Variants in PCDH10 observed in about 807,000 individuals in gnomAD.
The protein encoded by PCDH10 is protocadherin 10, also known as protocadherin-10.
A neutral mutation model predicts 74.4 loss-of-function variants in PCDH10; 15 were observed. The observed-to-expected ratio is 0.20, with a 90% CI of 0.13 to 0.31. PCDH10 has a LOEUF of 0.31. Ranked by LOEUF, PCDH10 falls within the 10% of genes least tolerant of loss-of-function variation. PCDH10 has a pLI of 1.00. For missense variants in PCDH10, 1,260 were observed against 1,390.2 expected, an observed-to-expected ratio of 0.91 and a Z score of 1.49; for synonymous variants, 619 against 589.8, an observed-to-expected ratio of 1.05 and a Z score of -0.72.
intron 4 of PCDH10, among the ~76,000 whole-genome samples, chr4:133,182,011 T>C (rs1041036124): frequency 6.6e-6 from 1 of 152,158 alleles, no homozygotes; most frequent in Non-Finnish European, 1.5e-5. Flanking sequence ...GCTACGTGGC[T>C]ATATGTTTTT....
In PCDH10 at chr4:133,150,392, C is replaced by T; in HGVS notation, c.252C>T (p.Ile84=). The part of the protein sequence containing the change: ...YVNEKIDREQ[I]CKQSPSCVLH... ...ACGAGAAAATAGACCGCGAACAAAT[C>T]TGCAAACAGAGCCCCTCCTGTGTCC... Residue 84 remains isoleucine, a synonymous_variant, in exon 1 of 5, where the codon ATC becomes ATT. Transcript: ENST00000264360. 1 of 1,614,064 alleles carries T rather than the reference C, an allele frequency of 6.2e-7. No individual in the cohort carries two copies. Among genetic ancestry groups the T allele is most frequent in the Non-Finnish European group, 8.5e-7 (1 of 1,180,008 alleles).
At chr4:133,205,190 C>A (rs921226812) in intron 2 of PCDH10, among the ~76,000 whole-genome samples, 3 of 152,008 alleles carry the variant, frequency 2.0e-5, no homozygotes, top group African/African-American at 7.2e-5. Flanking sequence ...CTAGTGACGC[C>A]AACACATAAC....
intron 2 of PCDH10, among the ~76,000 whole-genome samples, chr4:133,200,153 C>T (rs1379359686): frequency 6.6e-6 from 1 of 151,856 alleles, no homozygotes; most frequent in African/African-American, 2.4e-5. Flanking sequence ...CTGCTTTATT[C>T]TCTACTAATG....
At chr4:133,156,435 G>A (rs1162567250) in intron 3 of PCDH10, among the ~76,000 whole-genome samples, 2 of 152,270 alleles carry the variant, frequency 1.3e-5, no homozygotes, top group Non-Finnish European at 2.9e-5. Flanking sequence ...AGTGAACAGA[G>A]CATCTATTTA....
intron 4 of PCDH10, among the ~76,000 whole-genome samples, chr4:133,188,535 AT>A (rs377634854): frequency 1.4e-4 from 21 of 151,964 alleles, no homozygotes; most frequent in African/African-American, 4.3e-4. Context: ...AATTCATTTT[AT>A]TCTTCTGGAT....
chr4:133,167,227 A>G (rs905654134), intron 4 of PCDH10, among the ~76,000 whole-genome samples: 1 of 151,582 alleles, frequency 6.6e-6, no homozygotes, highest in African/African-American at 2.4e-5. Context: ...GGAAATTTTT[A>G]GACATCTATA....
chr4:133,162,877 C>T (rs1726997898), intron 3 of PCDH10, 100 bp from the exon 4 acceptor site: 1 of 988,336 alleles, frequency 1.0e-6, no homozygotes, highest in Non-Finnish European at 1.5e-6. Context: ...GTTAAGACAA[C>T]TTCACTTGTC....
Position 133,177,754 on chromosome 4 carries a change from C to T in PCDH10, c.3104-12387C>T, listed in dbSNP as rs76294758. 9.0e-3 allele frequency among the ~76,000 whole-genome samples: 1,365 copies of T among 152,098 alleles called. 8 individuals carry two copies. The highest frequency in any genetic ancestry group is 0.014 in the Non-Finnish European group (943 of 68,008). ...CTTGTGAATGCAATTGCCATAGTCA[C>T]CTGCAATTAAGCATTTTCCTCTTAT... On this transcript the variant is annotated intron_variant, in intron 4 of 4. Coordinates refer to ENST00000264360, the MANE Select transcript of PCDH10 (RefSeq NM_032961.3).
intron 3 of PCDH10, among the ~76,000 whole-genome samples, chr4:133,162,731 A>G (rs1288364258): frequency 2.6e-5 from 4 of 152,190 alleles, no homozygotes; most frequent in African/African-American, 7.2e-5. Context: ...TAGTTTAGAA[A>G]CATTTATCTC....
chr4:133,199,832 A>G (rs1163293720), intron 2 of PCDH10, among the ~76,000 whole-genome samples: 1 of 149,316 alleles, frequency 6.7e-6, no homozygotes, highest in Admixed American at 6.7e-5. Flanking sequence ...GAGTCTTGCT[A>G]TGTCACCCAG....
At chr4:133,184,803 T>TAAA (rs1727509110) in intron 4 of PCDH10, among the ~76,000 whole-genome samples, 1 of 141,630 alleles carries the variant, frequency 7.1e-6, no homozygotes, top group African/African-American at 2.6e-5. Flanking sequence ...TATTTATATA[T>TAAA]ATATATTTAT....
At chr4:133,199,299 A>AAT (rs1727855857), downstream of PCDH10, among the ~76,000 whole-genome samples, 3 of 144,130 alleles carry the variant, frequency 2.1e-5, no homozygotes, top group Non-Finnish European at 4.5e-5. Context: ...AAATAATAAT[A>AAT]ATAATAATAA....
downstream of PCDH10, among the ~76,000 whole-genome samples, chr4:133,199,367 G>A (rs143061835): frequency 8.1e-3 from 1,223 of 150,322 alleles, 15 homozygotes; most frequent in Admixed American, 0.012. Flanking sequence ...ATGGAAAAGA[G>A]AAAAAGAGAC....
chr4:133,151,458 G>T lies in PCDH10; in HGVS notation c.1318G>T (p.Glu440Ter). ...GACTGTAGTGGCTCGGGACCGGGGCGAGCCTGCGCTCTCCACCAGTAAGTC... is the reference window on the plus strand; with the variant it reads ...GACTGTAGTGGCTCGGGACCGGGGCTAGCCTGCGCTCTCCACCAGTAAGTC... ...TLTVVARDRG[E>*]PALSTSKSIQ... is the part of the protein sequence containing the mutation. The change falls in exon 1 of 5, where the codon GAG becomes TAG. Residue 440 changes from glutamate (E) to a stop codon, truncating the protein, a stop_gained. Transcript: ENST00000264360. LOFTEE classifies it high-confidence loss of function. 1 of 1,613,692 alleles carries T rather than the reference G, an allele frequency of 6.2e-7. No individual in the cohort carries two copies. Among genetic ancestry groups the T allele is most frequent in the Non-Finnish European group, 8.5e-7 (1 of 1,180,002 alleles).
chr4:133,166,410 G>C (rs1727082583), intron 4 of PCDH10, among the ~76,000 whole-genome samples: 1 of 151,282 alleles, frequency 6.6e-6, no homozygotes, highest in Admixed American at 6.6e-5. Context: ...AAATAACATT[G>C]CATTTTTATC....
downstream of PCDH10, among the ~76,000 whole-genome samples, chr4:133,196,497 A>G (rs536820347): frequency 6.6e-6 from 1 of 152,240 alleles, no homozygotes; most frequent in South Asian, 2.1e-4. Flanking sequence ...CAGTGATCTT[A>G]GGTATTACAA....
At chr4:133,167,744 C>A (rs763662144) in intron 4 of PCDH10, among the ~76,000 whole-genome samples, 9 of 151,180 alleles carry the variant, frequency 6.0e-5, no homozygotes, top group Non-Finnish European at 1.0e-4. Flanking sequence ...GATTGGTGAA[C>A]CTAATTTTCT....
chr4:133,163,430 AT>A (rs982018694), intron 4 of PCDH10, 148 bp downstream of exon 4: 17 of 626,150 alleles, frequency 2.7e-5, no homozygotes, highest in Non-Finnish European at 4.3e-5. Flanking sequence ...TTAGGGCAAT[AT>A]TCTTTATTTA....
chr4:133,160,426 A>G (rs1398305911), intron 3 of PCDH10, among the ~76,000 whole-genome samples: 2 of 150,710 alleles, frequency 1.3e-5, no homozygotes, highest in Non-Finnish European at 3.0e-5. Context: ...TTTGCCATGC[A>G]CATGCTATAG....
Sources: allele counts gnomAD v4.1 joint callset (sites outside exome capture counted in the v4.1 genomes callset), GRCh38; gene constraint gnomAD v4.1.1; transcripts MANE v1.5; gene names NCBI Gene and HGNC (gene_info 2026-07-23, HGNC 2026-07-21).